Variants in ILDR2 observed in about 807,000 individuals in gnomAD.
ILDR2 encodes the protein immunoglobulin-like domain-containing receptor 2.
Under a neutral mutation model 66.8 loss-of-function variants are expected in ILDR2, and 25 were observed. That is an observed-to-expected ratio of 0.37 (90% confidence interval 0.27 to 0.52). The LOEUF is 0.52. Ranked by LOEUF, ILDR2 falls within the 20% of genes least tolerant of loss-of-function variation. The probability of loss-of-function intolerance (pLI) is 0.88; values close to 1 mark genes in which losing one functional copy is unlikely to be tolerated. For synonymous variants in ILDR2, 367 were observed against 357.2 expected, an observed-to-expected ratio of 1.03 and a Z score of -0.31; for missense variants, 827 against 876.8, an observed-to-expected ratio of 0.94 and a Z score of 0.72.
intron 2 of ILDR2, among the ~76,000 whole-genome samples, chr1:166,902,063 T>C (rs768483269): frequency 1.1e-4 from 16 of 152,224 alleles, no homozygotes; most frequent in Non-Finnish European, 1.9e-4. Flanking sequence ...TTTCTCCATG[T>C]TGGTCAGGCC....
At position 166,912,760 on chromosome 1, in the gene ILDR2, T is replaced by C. The variant is rs1201650691; in HGVS notation, c.*6595A>G. Reference sequence around the variant, plus strand: ...TCTTTTGCTAACAAAGGTTTTTAATTGCCTCCTCTTAATTATGGTGCTGTG... The same window carrying C: ...TCTTTTGCTAACAAAGGTTTTTAATCGCCTCCTCTTAATTATGGTGCTGTG... On this transcript the variant is annotated 3_prime_UTR_variant, in exon 10 of 10. Transcript: ENST00000271417. 6.6e-6 allele frequency: 1 copy of C among 152,232 alleles called. No homozygotes were observed. Among genetic ancestry groups the C allele is most frequent in the African/African-American group, 2.4e-5 (1 of 41,468 alleles). 9.4% of individuals were successfully genotyped at this position (152,232 alleles called of 1,614,324 possible). A position where few individuals can be genotyped will look rare whatever the true frequency, so the allele number is the denominator to read the frequency against.
rs752331552 is a variant in ILDR2, at chr1:166,921,323, G to A, written c.1268C>T (p.Pro423Leu). 6.3e-6 allele frequency: 10 copies of A among 1,588,474 alleles called. No homozygotes were observed. Among genetic ancestry groups the A allele is most frequent in the Admixed American group, 1.7e-5 (1 of 58,678 alleles). ...LSRKNFATGV[P>L]AVSMDELAAF... is the part of the protein sequence containing the mutation. ...CGCCAGCTCGTCCATGGAAACGGCC[G>A]GCACCCCCGTGGCGAAGTTCTTCCG... The change falls in exon 9 of 10, where the codon CCG becomes CTG. Residue 423 changes from proline to leucine, a missense_variant. By Grantham distance (98) the Pro-to-Leu change is moderately conservative. This residue lies in a region of ILDR2 where 390 missense variants were observed against 353.6 expected (regional missense o/e 1.10). Transcript: ENST00000271417. This position sits in a 1 kb window ranked among gnomAD's most constrained non-coding sequence, Gnocchi z 5.3.
chr1:166,957,691 C>T, intron 2 of ILDR2, 78 bp downstream of exon 2: 1 of 1,259,212 alleles, frequency 7.9e-7, no homozygotes, highest in Non-Finnish European at 1.1e-6. Flanking sequence ...TAGAATATCA[C>T]CATATTGACA....
chr1:166,965,359 A>G (rs1662875504), intron 1 of ILDR2, among the ~76,000 whole-genome samples: 1 of 152,144 alleles, frequency 6.6e-6, no homozygotes, highest in African/African-American at 2.4e-5. Flanking sequence ...GTAATTTTAT[A>G]TAATATTTTT....
Position 166,930,109 on chromosome 1 carries a change from G to A in ILDR2, c.881-2929C>T, listed in dbSNP as rs971679987. Among the ~76,000 whole-genome samples, 8 of 152,242 alleles carry A rather than the reference G, an allele frequency of 5.3e-5. 2 individuals are homozygous for A. Among genetic ancestry groups the A allele is most frequent in the Admixed American group, 4.6e-4 (7 of 15,290 alleles). ...TGTGCCCTGGCAGACAGACATGGTC[G>A]GTGAGAGATGGCTGCCACCCTGAGA... On this transcript the variant is annotated intron_variant, in intron 6 of 9. Transcript: ENST00000271417.
chr1:166,963,806 TGA>T (rs1000770050), intron 1 of ILDR2, among the ~76,000 whole-genome samples: 12 of 152,292 alleles, frequency 7.9e-5, no homozygotes, highest in Admixed American at 7.8e-4. Flanking sequence ...GCCATGTAAC[TGA>T]AGGAGTTCCT....
chr1:166,940,339 G>A (rs928872394), intron 3 of ILDR2, among the ~76,000 whole-genome samples: 6 of 152,174 alleles, frequency 3.9e-5, no homozygotes, highest in African/African-American at 9.7e-5. Flanking sequence ...AGATTAGTCC[G>A]TTTTAAAACT....
chr1:166,904,434 C>G (rs924132754), downstream of ILDR2, among the ~76,000 whole-genome samples: 5 of 152,210 alleles, frequency 3.3e-5, no homozygotes, highest in African/African-American at 9.6e-5. Flanking sequence ...TTCCACACTT[C>G]TTTAATCTAC....
Position 166,910,096 on chromosome 1 carries a change from G to A in ILDR2, c.*9259C>T, listed in dbSNP as rs962807652. ...ACTATTTAGGTCCTTTGGTTGTACA[G>A]TTTGATGACACGGTTTTTGCTTGTT... is the stretch of plus-strand genomic sequence containing the variant. On this transcript the variant is annotated 3_prime_UTR_variant, in exon 10 of 10. Coordinates refer to ENST00000271417, the MANE Select transcript of ILDR2 (RefSeq NM_199351.3). The A allele has an allele frequency of 1.3e-5, 2 of 152,052 alleles. No individual in the cohort carries two copies. The highest frequency in any genetic ancestry group is 3.2e-3 in the Middle Eastern group (1 of 316). The allele number at this position is 152,052 out of a possible 1,614,324, so 9.4% of individuals were successfully genotyped here.
In ILDR2 at chr1:166,921,945, T is replaced by G. The variant is rs1389626244; in HGVS notation, c.1212-566A>C. ...TGCTATTTAGGGGGAATAGCAAATCTTAGCCTCCCACAATTGTTGTGGGAG... is the reference window on the plus strand; with the variant it reads ...TGCTATTTAGGGGGAATAGCAAATCGTAGCCTCCCACAATTGTTGTGGGAG... On this transcript the variant is annotated intron_variant, in intron 8 of 9. Coordinates refer to ENST00000271417, the MANE Select transcript of ILDR2 (RefSeq NM_199351.3). The surrounding 1 kb of genome is among the most constrained non-coding windows in gnomAD (Gnocchi z 5.3). 6.6e-6 allele frequency among the ~76,000 whole-genome samples: 1 copy of G among 152,220 alleles called. No homozygotes were observed. Among genetic ancestry groups the G allele is most frequent in the Non-Finnish European group, 1.5e-5 (1 of 68,036 alleles).
At chr1:166,969,890 T>C (rs1200709690) in intron 1 of ILDR2, among the ~76,000 whole-genome samples, 1 of 152,260 alleles carries the variant, frequency 6.6e-6, no homozygotes, top group Non-Finnish European at 1.5e-5. Context: ...AAGTCATTTA[T>C]TTCCTCTGAG....
At chr1:166,962,489 C>G (rs1240744494) in intron 1 of ILDR2, among the ~76,000 whole-genome samples, 2 of 152,146 alleles carry the variant, frequency 1.3e-5, no homozygotes, top group Non-Finnish European at 2.9e-5. Context: ...AAATCTGAAA[C>G]TGTGATGCTG....
In ILDR2 at chr1:166,921,511, G is replaced by A. The variant is rs560034140; in HGVS notation, c.1212-132C>T. ...GGCCTGAGCCTCAGCTCCGCTCCAG[G>A]CTGGATGAAGCATTCCAGGCTCCTC... On this transcript the variant is annotated intron_variant, in intron 8 of 9. Transcript: ENST00000271417. The surrounding 1 kb of genome is among the most constrained non-coding windows in gnomAD (Gnocchi z 5.3). 3 of 706,726 alleles carry A rather than the reference G, an allele frequency of 4.2e-6. No homozygotes were observed. In the African/African-American group the frequency reaches 5.4e-5, roughly 13 times the overall value. 43.8% of individuals were successfully genotyped at this position (706,726 alleles called of 1,614,324 possible). A position where few individuals can be genotyped will look rare whatever the true frequency, so the allele number is the denominator to read the frequency against.
rs1054898686 is a variant in ILDR2, at chr1:166,917,148, A to G, written c.*2207T>C. 2 of 152,256 alleles carry G rather than the reference A, an allele frequency of 1.3e-5. No individual in the cohort carries two copies. Among genetic ancestry groups the G allele is most frequent in the Admixed American group, 1.3e-4 (2 of 15,278 alleles). 9.4% of individuals were successfully genotyped at this position (152,256 alleles called of 1,614,324 possible). ...AGGGACACCAGCAAGTCTAAAACTC[A>G]GCACCAGGGTTATGGCTTGTGTCTT... On this transcript the variant is annotated 3_prime_UTR_variant, in exon 10 of 10. Coordinates refer to ENST00000271417, the MANE Select transcript of ILDR2 (RefSeq NM_199351.3).
intron 1 of ILDR2, among the ~76,000 whole-genome samples, chr1:166,971,667 G>A (rs977945669): frequency 3.3e-5 from 5 of 152,040 alleles, no homozygotes; most frequent in Admixed American, 3.3e-4. Flanking sequence ...TCACTGTGTT[G>A]TCCAGGTTGG....
rs1000021756 is a variant in ILDR2, at chr1:166,913,648, A to G, written c.*5707T>C. 1 of 152,094 alleles carries G rather than the reference A, an allele frequency of 6.6e-6. No individual in the cohort carries two copies. The highest frequency in any genetic ancestry group is 1.5e-5 in the Non-Finnish European group (1 of 68,032). The allele number at this position is 152,094 out of a possible 1,614,324, so 9.4% of individuals were successfully genotyped here. A position where few individuals can be genotyped will look rare whatever the true frequency, so the allele number is the denominator to read the frequency against. ...TATTCCTCTATATCTGATCCCTCTT[A>G]GTTCTACCTAAAATCTTAAAATGTA... On this transcript the variant is annotated 3_prime_UTR_variant, in exon 10 of 10. Coordinates refer to ENST00000271417, the MANE Select transcript of ILDR2 (RefSeq NM_199351.3).
At chr1:166,934,722 G>A (rs899597778) in intron 6 of ILDR2, among the ~76,000 whole-genome samples, 1 of 152,192 alleles carries the variant, frequency 6.6e-6, no homozygotes, top group Non-Finnish European at 1.5e-5. Flanking sequence ...ATTTCATCAC[G>A]CTGACCTTCC....
intron 1 of ILDR2, among the ~76,000 whole-genome samples, chr1:166,966,748 TAA>T (rs1662978161): frequency 1.3e-5 from 2 of 152,216 alleles, no homozygotes; most frequent in Non-Finnish European, 2.9e-5. Flanking sequence ...AAAGCAGTGC[TAA>T]AAGAGGTCAG....
chr1:166,950,546 G>C (rs1661914316), intron 3 of ILDR2, among the ~76,000 whole-genome samples: 1 of 152,154 alleles, frequency 6.6e-6, no homozygotes, highest in Non-Finnish European at 1.5e-5. Context: ...TTTCTGCATA[G>C]CCTTAAGACA....
Sources: allele counts gnomAD v4.1 joint callset (sites outside exome capture counted in the v4.1 genomes callset), GRCh38; gene constraint gnomAD v4.1.1; regional missense constraint gnomAD v4.1.1; non-coding constraint Gnocchi (gnomAD v3.1); transcripts MANE v1.5; gene names NCBI Gene and HGNC (gene_info 2026-07-23, HGNC 2026-07-21).